Variants in APLP1 observed in about 807,000 individuals in gnomAD.
The protein encoded by APLP1 is amyloid beta precursor like protein 1.
A neutral mutation model predicts 84.5 loss-of-function variants in APLP1; 46 were observed. The ratio of observed to expected loss-of-function variants is 0.54; its 90% CI spans 0.43 to 0.70. APLP1 has a LOEUF of 0.70. Among genes scored for constraint, APLP1 ranks in the 30% least tolerant of loss-of-function variants. APLP1 has a pLI of 0.00. For synonymous variants in APLP1, 376 were observed against 364.0 expected, an observed-to-expected ratio of 1.03 and a Z score of -0.38; for missense variants, 826 against 900.2, an observed-to-expected ratio of 0.92 and a Z score of 1.05.
chr19:35,873,225 G>A (rs1435609378), intron 7 of APLP1, among the ~76,000 whole-genome samples: 2 of 151,404 alleles, frequency 1.3e-5, no homozygotes, highest in Non-Finnish European at 2.9e-5. Context: ...CGAGACTTAA[G>A]GGATCTGGGG....
At position 35,879,636 on chromosome 19, in the gene APLP1, C is replaced by T. The variant is rs1438313716; in HGVS notation, c.*195C>T. On this transcript the variant is annotated 3_prime_UTR_variant, in exon 17 of 17. Coordinates refer to ENST00000221891, the MANE Select transcript of APLP1 (RefSeq NM_001024807.3). ...CCTAAGAATTCCCAGATAGTCCCAGCAGCCTCCCCACGTGGCACCTCCTCA... is the reference window on the plus strand; with the variant it reads ...CCTAAGAATTCCCAGATAGTCCCAGTAGCCTCCCCACGTGGCACCTCCTCA... 5.2e-6 allele frequency: 3 copies of T among 581,322 alleles called. No homozygotes were observed. In the African/African-American group the frequency reaches 5.6e-5, roughly 11 times the overall value. 36.0% of individuals were successfully genotyped at this position (581,322 alleles called of 1,614,324 possible). A position where few individuals can be genotyped will look rare whatever the true frequency, so the allele number is the denominator to read the frequency against.
At chr19:35,870,275 T>A (rs1450137893) in intron 2 of APLP1, 2 of 182,082 alleles carry the variant, frequency 1.1e-5, no homozygotes, top group Non-Finnish European at 2.3e-5. Context: ...GAGACGAATC[T>A]GACTGCGGGG....
At position 35,869,830 on chromosome 19, in the gene APLP1, A is replaced by T; in HGVS notation, c.291+20A>T. 1 of 1,570,932 alleles carries T rather than the reference A, an allele frequency of 6.4e-7. No homozygotes were observed. The highest frequency in any genetic ancestry group is 2.4e-5 in the East Asian group (1 of 42,532). ...AGACAGGTGGGCGGGGCCGAACGGG[A>T]GAGGCGGGGCCGCCCATAGAAAGCT... On this transcript the variant is annotated intron_variant, in intron 2 of 16. Transcript: ENST00000221891.
intron 1 of APLP1, chr19:35,869,305 C>G: frequency 1.9e-6 from 1 of 528,646 alleles, no homozygotes; most frequent in Non-Finnish European, 3.3e-6. Flanking sequence ...GCAACGGGAG[C>G]CTGAGCAAGG....
At chr19:35,869,307 T>A (rs2146898593) in intron 1 of APLP1, 1 of 528,720 alleles carries the variant, frequency 1.9e-6, no homozygotes, top group South Asian at 2.6e-5. Flanking sequence ...AACGGGAGCC[T>A]GAGCAAGGGA....
chr19:35,871,086 T>C (rs1188016130), intron 3 of APLP1, 58 bp downstream of exon 3: 2 of 1,501,950 alleles, frequency 1.3e-6, no homozygotes, highest in Admixed American at 4.3e-5. Context: ...GGCAAGGTTC[T>C]GAGCCCCTCT....
At chr19:35,870,078 T>G in intron 2 of APLP1, 4 of 468,784 alleles carry the variant, frequency 8.5e-6, no homozygotes, top group Non-Finnish European at 1.1e-5. Flanking sequence ...GGCGAAAGGA[T>G]AGGCGGGGCT....
chr19:35,868,771 C>G lies in APLP1; in HGVS notation c.135C>G (p.Pro45=), dbSNP rs1415075185. 8.5e-6 allele frequency: 11 copies of G among 1,298,196 alleles called. No individual in the cohort carries two copies. The highest frequency in any genetic ancestry group is 1.1e-5 in the Non-Finnish European group (11 of 1,024,814). The allele number at this position is 1,298,196 out of a possible 1,614,324, so 80.4% of individuals were successfully genotyped here. The change falls in exon 1 of 17, where the codon CCC becomes CCG. Residue 45 remains proline, a synonymous_variant. Transcript: ENST00000221891. This position sits in a 1 kb window ranked among gnomAD's most constrained non-coding sequence, Gnocchi z 5.2. ...PAIGSLAGGS[P]GAAEAPGSAQ... ...TCGGGAGCCTGGCCGGTGGGAGCCC[C>G]GGCGCGGCCGAGGTGAGGCCGGGCC...
intron 14 of APLP1, 77 bp from the exon 15 acceptor site, chr19:35,878,813 G>A (rs1974339956): frequency 6.4e-7 from 1 of 1,572,720 alleles, no homozygotes; most frequent in East Asian, 2.2e-5. Flanking sequence ...GAGGGCTGGG[G>A]GACGCTCTCT....
rs372334262 is a variant in APLP1, at chr19:35,878,965, A to G, written c.1713+13A>G. The G allele has an allele frequency of 1.2e-6, 2 of 1,613,880 alleles. No individual in the cohort carries two copies. Among genetic ancestry groups the G allele is most frequent in the Admixed American group, 1.7e-5 (1 of 59,998 alleles). ...GAGGGATGAGCTGGTAAGAGGAGGA[A>G]CAGCCGGGTACCTAGGGGAAGAGAC... is the stretch of plus-strand genomic sequence containing the variant. On this transcript the variant is annotated intron_variant, in intron 15 of 16. Coordinates refer to ENST00000221891, the MANE Select transcript of APLP1 (RefSeq NM_001024807.3).
chr19:35,879,321 T>G lies in APLP1; in HGVS notation c.1858-22T>G, dbSNP rs11084834. ...TCCCGCCCCCGCACCACACTGTCCTTTCCCTCCCCTGCTCGTTGCAGGTGG... is the reference window on the plus strand; with the variant it reads ...TCCCGCCCCCGCACCACACTGTCCTGTCCCTCCCCTGCTCGTTGCAGGTGG... On this transcript the variant is annotated intron_variant, in intron 16 of 16. Coordinates refer to ENST00000221891, the MANE Select transcript of APLP1 (RefSeq NM_001024807.3). The G allele has an allele frequency of 0.049, 79,375 of 1,613,362 alleles. 4,389 individuals carry two copies. The highest frequency in any genetic ancestry group is 0.29 in the African/African-American group (21,453 of 74,958).
At chr19:35,869,962 T>C (rs1432449767) in intron 2 of APLP1, 152 bp downstream of exon 2, 11 of 1,025,052 alleles carry the variant, frequency 1.1e-5, no homozygotes, top group Non-Finnish European at 1.4e-5. Flanking sequence ...GGGACCTGTT[T>C]TGAGATACTA....
intron 1 of APLP1, chr19:35,869,392 C>T: frequency 3.2e-6 from 2 of 629,142 alleles, no homozygotes; most frequent in South Asian, 3.6e-5. Context: ...CTTCGGGCTC[C>T]AGAGCGGCTG....
At chr19:35,877,666 C>CA in intron 11 of APLP1, 52 bp from the exon 12 acceptor site, 1 of 1,305,350 alleles carries the variant, frequency 7.7e-7, no homozygotes, top group Non-Finnish European at 1.1e-6. Context: ...GGGTGCCCTC[C>CA]ACTCACCCCT....
rs1269220221 is a variant in APLP1, at chr19:35,877,771, C to T, written c.1498C>T (p.Pro500Ser). ...TCCCAGTGAATTGGAAGCCCCTGCC[C>T]CTGGGGGCAGCAGCGAGGACAAGGG... Reference protein sequence around the residue: ...LGPSELEAPAPGGSSEDKGGL... With the variant: ...LGPSELEAPASGGSSEDKGGL... The change falls in exon 12 of 17, where the codon CCT (proline) becomes TCT (serine). Residue 500 changes from proline to serine, a missense_variant. Physicochemically the swap from Pro to Ser is moderately conservative, Grantham distance 74. This residue lies in a region of APLP1 where 433 missense variants were observed against 496.5 expected (regional missense o/e 0.87). Coordinates refer to ENST00000221891, the MANE Select transcript of APLP1 (RefSeq NM_001024807.3). 6.2e-7 allele frequency: 1 copy of T among 1,609,488 alleles called. No homozygotes were observed. Among genetic ancestry groups the T allele is most frequent in the African/African-American group, 1.3e-5 (1 of 74,692 alleles).
intron 1 of APLP1, chr19:35,869,079 A>C: frequency 9.4e-6 from 3 of 319,160 alleles, no homozygotes; most frequent in Non-Finnish European, 5.6e-6. Flanking sequence ...TCCCGCCTGG[A>C]CATAGGACCC....
In APLP1 at chr19:35,877,776, G is replaced by A; in HGVS notation, c.1503G>A (p.Gly501=). 6.2e-7 allele frequency: 1 copy of A among 1,609,354 alleles called. No individual in the cohort carries two copies. Among genetic ancestry groups the A allele is most frequent in the Non-Finnish European group, 8.5e-7 (1 of 1,178,798 alleles). Residue 501 remains glycine, a synonymous_variant, in exon 12 of 17, where the codon GGG becomes GGA. Transcript: ENST00000221891. ...GTGAATTGGAAGCCCCTGCCCCTGG[G>A]GGCAGCAGCGAGGACAAGGGTGGGC... ...GPSELEAPAP[G]GSSEDKGGLQ...
At chr19:35,872,071 C>A (rs900038509) in intron 6 of APLP1, 35 bp downstream of exon 6, 21 of 1,593,660 alleles carry the variant, frequency 1.3e-5, no homozygotes, top group Non-Finnish European at 1.7e-5. Context: ...GGCCTCTCCA[C>A]CATAGAGGGA....
intron 16 of APLP1, 43 bp from the exon 17 acceptor site, chr19:35,879,300 G>GC: frequency 6.2e-7 from 1 of 1,610,336 alleles, no homozygotes; most frequent in Non-Finnish European, 8.5e-7. Flanking sequence ...GGGCAGTCCC[G>GC]CCCCCGCACC....
Sources: gnomAD v4.1 joint callset for allele counts (sites outside exome capture counted in the v4.1 genomes callset) on GRCh38, gnomAD v4.1.1 for gene constraint, gnomAD v4.1.1 regional missense constraint, Gnocchi (gnomAD v3.1) non-coding constraint, MANE v1.5 for transcripts, NCBI Gene and HGNC (gene_info 2026-07-23, HGNC 2026-07-21) for gene names.